Variants in NRXN1 observed in about 807,000 individuals in gnomAD.
NRXN1 encodes neurexin 1.
NRXN1 carries 39 observed loss-of-function variants against 150.9 expected under a neutral mutation model. The ratio of observed to expected loss-of-function variants is 0.26; its 90% confidence interval spans 0.20 to 0.34. NRXN1 has a LOEUF of 0.34. Among genes scored for constraint, NRXN1 ranks in the 10% least tolerant of loss-of-function variants. The pLI is 1.00. For synonymous variants in NRXN1, 924 were observed against 757.0 expected (o/e 1.22, Z -3.62); for missense variants, 1,815 against 1,949.9 (o/e 0.93, Z 1.30).
rs70958638 is a variant in NRXN1 at position 51,017,503 on chromosome 2, C to CTT, written c.772+9997_772+9998dup. Among the ~76,000 whole-genome samples, 185 of 44,314 alleles carry CTT rather than the reference C, an allele frequency of 4.2e-3. 33 individuals are homozygous for CTT. The highest frequency in any genetic ancestry group is 5.2e-3 in the Non-Finnish European group (137 of 26,322). The allele number at this position is 44,314 out of a possible 152,430, so 29.1% of individuals were successfully genotyped here. ...ATACACGTATGGCCACCACATCTGG[C>CTT]TTTTTTTTTTTTTTTTTTTTTTTTT... is the stretch of plus-strand genomic sequence containing the variant. On this transcript the variant is annotated intron_variant, in intron 2 of 22. Coordinates refer to ENST00000401669, the MANE Select transcript of NRXN1 (RefSeq NM_001330078.2).
intron 5 of NRXN1, among the ~76,000 whole-genome samples, chr2:50,664,225 T>C (rs945615804): frequency 6.6e-6 from 1 of 151,998 alleles, no homozygotes; most frequent in Non-Finnish European, 1.5e-5. Context: ...TGCGTAACTT[T>C]CCTTCTCCCT....
At chr2:51,022,933 A>C in intron 2 of NRXN1, among the ~76,000 whole-genome samples, 1 of 152,156 alleles carries the variant, frequency 6.6e-6, no homozygotes, top group Non-Finnish European at 1.5e-5. Context: ...CCATAAATTC[A>C]ATGGGTGTAT....
At chr2:50,136,273 G>C (rs922688711) in intron 18 of NRXN1, among the ~76,000 whole-genome samples, 1 of 152,056 alleles carries the variant, frequency 6.6e-6, no homozygotes, top group Non-Finnish European at 1.5e-5. Context: ...AAATTCCTGA[G>C]AAAAATAACA....
intron 8 of NRXN1, among the ~76,000 whole-genome samples, chr2:50,559,443 A>T (rs1668726827): frequency 6.6e-6 from 1 of 152,220 alleles, no homozygotes; most frequent in Non-Finnish European, 1.5e-5. Context: ...GTGCTATGGT[A>T]GGATCAATCA....
chr2:50,852,413 C>T (rs897403659), intron 5 of NRXN1, among the ~76,000 whole-genome samples: 12 of 152,024 alleles, frequency 7.9e-5, no homozygotes, highest in Admixed American at 4.6e-4. Context: ...TTTGTTGTTA[C>T]GTTAAAATAA....
chr2:50,800,284 G>A (rs1707408319), intron 5 of NRXN1, among the ~76,000 whole-genome samples: 1 of 152,112 alleles, frequency 6.6e-6, no homozygotes, highest in African/African-American at 2.4e-5. Flanking sequence ...AGAGATAAGA[G>A]GATCACTCTT....
At chr2:50,194,530 C>T (rs938518621) in intron 18 of NRXN1, among the ~76,000 whole-genome samples, 7 of 152,196 alleles carry the variant, frequency 4.6e-5, no homozygotes, top group South Asian at 2.1e-4. Context: ...AACTTCAAAA[C>T]GTATTAGCTG....
chr2:50,135,704 C>T (rs554549590), intron 18 of NRXN1, among the ~76,000 whole-genome samples: 5 of 151,358 alleles, frequency 3.3e-5, no homozygotes, highest in Admixed American at 6.6e-5. Flanking sequence ...AAACAAAAAA[C>T]GAAAAACAAA....
chr2:50,362,155 C>T (rs1263879644), intron 17 of NRXN1, among the ~76,000 whole-genome samples: 2 of 152,104 alleles, frequency 1.3e-5, no homozygotes, highest in African/African-American at 2.4e-5. Flanking sequence ...ACTGAAGGGG[C>T]AAAAGCTGGA....
intron 21 of NRXN1, among the ~76,000 whole-genome samples, chr2:50,049,975 T>C (rs1478863709): frequency 6.6e-6 from 1 of 151,980 alleles, no homozygotes; most frequent in East Asian, 1.9e-4. Context: ...AAAATGAATT[T>C]TATAAATTTT....
intron 5 of NRXN1, among the ~76,000 whole-genome samples, chr2:50,671,306 T>A (rs1270004197): frequency 6.6e-6 from 1 of 151,720 alleles, no homozygotes; most frequent in African/African-American, 2.4e-5. Flanking sequence ...ATTTAAAAAA[T>A]TATTTTAGTG....
intron 21 of NRXN1, among the ~76,000 whole-genome samples, chr2:49,959,303 A>C (rs563795413): frequency 6.6e-6 from 1 of 152,136 alleles, no homozygotes; most frequent in Non-Finnish European, 1.5e-5. Context: ...ACTGTCATTG[A>C]CTGCTTTGCT....
chr2:50,378,761 T>C (rs1476878448), intron 17 of NRXN1, among the ~76,000 whole-genome samples: 1 of 152,162 alleles, frequency 6.6e-6, no homozygotes, highest in Non-Finnish European at 1.5e-5. Flanking sequence ...TGAAAAGTGA[T>C]TATAAATTTG....
rs142665316 is a variant in NRXN1, at chr2:50,810,001, C to T, written c.832+111868G>A. ...TTTCTTCACTGAACCTACTAGTATA[C>T]GCCTCTTCAATATAGTCACGTTCAA... is the stretch of plus-strand genomic sequence containing the variant. On this transcript the variant is annotated intron_variant, in intron 5 of 22. Transcript: ENST00000401669. 4.6e-3 allele frequency among the ~76,000 whole-genome samples: 704 copies of T among 152,242 alleles called. 3 individuals carry two copies. The highest frequency in any genetic ancestry group is 8.9e-3 in the Non-Finnish European group (602 of 68,004).
At chr2:50,574,779 A>C (rs993383345) in intron 8 of NRXN1, among the ~76,000 whole-genome samples, 2 of 152,186 alleles carry the variant, frequency 1.3e-5, no homozygotes, top group African/African-American at 4.8e-5. Flanking sequence ...GATGACAGCC[A>C]ACAAGATTCC....
chr2:50,964,201 G>A (rs959227330), intron 2 of NRXN1, among the ~76,000 whole-genome samples: 2 of 151,554 alleles, frequency 1.3e-5, no homozygotes, highest in Admixed American at 1.3e-4. Context: ...CCTTTATGCT[G>A]TTAATCATCT....
At chr2:50,690,645 A>G (rs1345284282) in intron 5 of NRXN1, among the ~76,000 whole-genome samples, 1 of 152,188 alleles carries the variant, frequency 6.6e-6, no homozygotes, top group East Asian at 1.9e-4. Flanking sequence ...TTGAGAACAT[A>G]TATTTGTGTA....
intron 5 of NRXN1, among the ~76,000 whole-genome samples, chr2:50,764,701 G>A (rs1314848855): frequency 7.2e-5 from 11 of 151,912 alleles, no homozygotes; most frequent in Admixed American, 7.2e-4. Flanking sequence ...GAGAGATTAT[G>A]ACACATTGTC....
intron 17 of NRXN1, among the ~76,000 whole-genome samples, chr2:50,430,806 A>G (rs1409960913): frequency 1.3e-5 from 2 of 152,182 alleles, no homozygotes; most frequent in African/African-American, 4.8e-5. Context: ...AGGAATCCTT[A>G]CTACCATTTG....
Sources: gnomAD v4.1 joint callset for allele counts (sites outside exome capture counted in the v4.1 genomes callset) on GRCh38, gnomAD v4.1.1 for gene constraint, MANE v1.5 for transcripts, NCBI Gene and HGNC (gene_info 2026-07-23, HGNC 2026-07-21) for gene names.